Variants in CHD6 observed in about 807,000 individuals in gnomAD.
The protein encoded by CHD6 is chromodomain helicase DNA binding protein 6.
A neutral mutation model predicts 276.9 loss-of-function variants in CHD6; 50 were observed. The ratio of observed to expected loss-of-function variants is 0.18; its 90% CI spans 0.14 to 0.23. The LOEUF (loss-of-function observed/expected upper bound fraction) is 0.23. Among genes scored for constraint, CHD6 ranks in the 10% least tolerant of loss-of-function variants. The pLI is 1.00. For synonymous variants in CHD6, 1,173 were observed against 1,229.3 expected, an observed-to-expected ratio of 0.95 and a Z score of 0.96; for missense variants, 2,564 against 3,365.8, an observed-to-expected ratio of 0.76 and a Z score of 5.89.
intron 17 of CHD6, among the ~76,000 whole-genome samples, chr20:41,458,396 G>A (rs543805929): frequency 6.6e-6 from 1 of 152,326 alleles, no homozygotes; most frequent in East Asian, 1.9e-4. Context: ...TTACTGCACT[G>A]CAGTTATTAT....
intron 14 of CHD6, among the ~76,000 whole-genome samples, chr20:41,486,454 T>A (rs995390716): frequency 6.6e-6 from 1 of 152,110 alleles, no homozygotes; most frequent in Non-Finnish European, 1.5e-5. Context: ...AATCAATAGA[T>A]AGGGCAAATG....
intron 2 of CHD6, among the ~76,000 whole-genome samples, chr20:41,539,939 T>C (rs2044909422): frequency 6.6e-6 from 1 of 152,204 alleles, no homozygotes; most frequent in African/African-American, 2.4e-5. Context: ...AAACCTATGG[T>C]CTAATCACAT....
chr20:41,448,822 A>G (rs1464851543), intron 23 of CHD6, among the ~76,000 whole-genome samples: 1 of 152,182 alleles, frequency 6.6e-6, no homozygotes, highest in Non-Finnish European at 1.5e-5. Flanking sequence ...GTTAGAACTT[A>G]TAGATTGGAA....
In CHD6 at chr20:41,508,325, T is replaced by TA. The variant is rs201201707; in HGVS notation, c.852+4520dup. Among the ~76,000 whole-genome samples, 1,479 of 151,192 alleles carry TA rather than the reference T, an allele frequency of 9.8e-3. 21 individuals are homozygous for TA. Among genetic ancestry groups the TA allele is most frequent in the Middle Eastern group, 0.028 (8 of 288 alleles). ...AACAGGTAGTGTGTAGCCACATCTT[T>TA]AAAAAAAAACACACAAAACACAGGA... is the stretch of plus-strand genomic sequence containing the variant. On this transcript the variant is annotated intron_variant, in intron 5 of 36. Coordinates refer to ENST00000373233, the MANE Select transcript of CHD6 (RefSeq NM_032221.5).
chr20:41,614,542 T>C (rs916531481), intron 1 of CHD6, among the ~76,000 whole-genome samples: 1 of 152,144 alleles, frequency 6.6e-6, no homozygotes. Context: ...AACAACATAA[T>C]GAATAAATGT....
intron 1 of CHD6, among the ~76,000 whole-genome samples, chr20:41,610,605 C>CA (rs1459805074): frequency 1.3e-5 from 2 of 151,914 alleles, no homozygotes; most frequent in Non-Finnish European, 2.9e-5. Flanking sequence ...ACTAAAAATA[C>CA]AAAAAATTAG....
intron 36 of CHD6, among the ~76,000 whole-genome samples, chr20:41,410,044 G>A (rs755324311): frequency 3.3e-5 from 5 of 152,156 alleles, no homozygotes; most frequent in Non-Finnish European, 4.4e-5. Context: ...GACACCACCC[G>A]TCCAAACCAC....
At chr20:41,587,801 T>G (rs1167130102) in intron 1 of CHD6, among the ~76,000 whole-genome samples, 1 of 151,068 alleles carries the variant, frequency 6.6e-6, no homozygotes, top group Admixed American at 6.6e-5. Context: ...GGCCAGCAAC[T>G]GATGACATTT....
intron 36 of CHD6, among the ~76,000 whole-genome samples, chr20:41,409,355 G>A (rs538355985): frequency 4.6e-5 from 7 of 152,306 alleles, no homozygotes; most frequent in African/African-American, 1.4e-4. Flanking sequence ...AAAGGCCTGC[G>A]GAGGGGGCAA....
chr20:41,503,086 T>C (rs1220708138), intron 5 of CHD6, among the ~76,000 whole-genome samples: 1 of 152,224 alleles, frequency 6.6e-6, no homozygotes, highest in Admixed American at 6.5e-5. Context: ...TTCTTTTTCA[T>C]AGCTATGTTT....
intron 1 of CHD6, among the ~76,000 whole-genome samples, chr20:41,604,249 G>A (rs972017113): frequency 6.6e-6 from 1 of 152,106 alleles, no homozygotes; most frequent in Non-Finnish European, 1.5e-5. Flanking sequence ...CACAGGAGAG[G>A]GTTGGGATGG....
In CHD6 at chr20:41,487,736, G is replaced by A. The variant is rs774624370; in HGVS notation, c.1930C>T (p.Leu644=). The part of the protein sequence containing the change: ...VEELFSLLNF[L]EPSQFPSETA... ...TCTGAAGGAAACTGTGATGGCTCCAGAAAATTTAACAAACTGAAGAGCTCC... is the reference window on the plus strand; with the variant it reads ...TCTGAAGGAAACTGTGATGGCTCCAAAAAATTTAACAAACTGAAGAGCTCC... The change falls in exon 14 of 37, where the codon CTG becomes TTG. Residue 644 remains leucine (L), a synonymous_variant. Coordinates refer to ENST00000373233, the MANE Select transcript of CHD6 (RefSeq NM_032221.5). 5 of 1,612,080 alleles carry A rather than the reference G, an allele frequency of 3.1e-6. No homozygotes were observed. The highest frequency in any genetic ancestry group is 3.3e-4 in the Middle Eastern group (2 of 6,052).
intron 3 of CHD6, among the ~76,000 whole-genome samples, chr20:41,518,529 G>A (rs1036017134): frequency 4.6e-5 from 7 of 152,164 alleles, no homozygotes; most frequent in Admixed American, 4.6e-4. Flanking sequence ...GACAGAAGCT[G>A]GGGGTTAGGT....
chr20:41,603,691 C>G (rs1267140214), intron 1 of CHD6, among the ~76,000 whole-genome samples: 2 of 152,138 alleles, frequency 1.3e-5, no homozygotes, highest in Non-Finnish European at 2.9e-5. Context: ...CATGGTGAAA[C>G]CCTGTCTCTA....
intron 3 of CHD6, among the ~76,000 whole-genome samples, chr20:41,527,945 T>G (rs1463240775): frequency 6.6e-6 from 1 of 152,192 alleles, no homozygotes; most frequent in Non-Finnish European, 1.5e-5. Context: ...TCTCTGCCTT[T>G]GGCCACAGGA....
At chr20:41,406,794 T>A (rs549027562) in intron 36 of CHD6, among the ~76,000 whole-genome samples, 1 of 152,200 alleles carries the variant, frequency 6.6e-6, no homozygotes, top group Non-Finnish European at 1.5e-5. Flanking sequence ...AGCTAGTTTA[T>A]CAACTAGTAC....
In CHD6 at chr20:41,417,186, G is replaced by C. The variant is rs774907783; in HGVS notation, c.6279+12C>G. The C allele has an allele frequency of 1.2e-5, 19 of 1,606,238 alleles. No individual in the cohort carries two copies. The highest frequency in any genetic ancestry group is 1.7e-5 in the Admixed American group (1 of 58,592). On this transcript the variant is annotated intron_variant, in intron 32 of 36. Coordinates refer to ENST00000373233, the MANE Select transcript of CHD6 (RefSeq NM_032221.5). ...TTTGGGGGTAGGGTGGGAAACGCAA[G>C]CTCTGGGGTACCTTTGGCCACTCAG...
At chr20:41,602,187 A>G (rs992061187) in intron 1 of CHD6, among the ~76,000 whole-genome samples, 8 of 152,230 alleles carry the variant, frequency 5.3e-5, no homozygotes, top group African/African-American at 1.9e-4. Flanking sequence ...TCTCTCAAAG[A>G]TTCTCATGAA....
In CHD6 at chr20:41,581,232, T is replaced by C. The variant is rs2045535640; in HGVS notation, c.-23-29872A>G. The stretch of plus-strand genomic sequence containing the variant: ...CGGTACTATTATTGTTCCCATTGTA[T>C]AGATGAGGACATTGAAGCACAAGAC... On this transcript the variant is annotated intron_variant, in intron 1 of 36. Transcript: ENST00000373233. Among the ~76,000 whole-genome samples, 2 of 152,172 alleles carry C rather than the reference T, an allele frequency of 1.3e-5. 1 individual carries two copies. The highest frequency in any genetic ancestry group is 1.3e-4 in the Admixed American group (2 of 15,286).
Sources: allele counts gnomAD v4.1 joint callset (sites outside exome capture counted in the v4.1 genomes callset), GRCh38; gene constraint gnomAD v4.1.1; transcripts MANE v1.5; gene names NCBI Gene and HGNC (gene_info 2026-07-23, HGNC 2026-07-21).